The following APEX1 variants were observed in gnomAD, a reference collection of about 807,000 sequenced individuals.
The protein encoded by APEX1 is DNA repair nuclease/redox regulator APEX1.
Under a neutral mutation model 33.2 loss-of-function variants are expected in APEX1, and 32 were observed. That is an observed-to-expected ratio of 0.96 (90% CI 0.73 to 1.29). APEX1 has a LOEUF of 1.29. Among genes scored for constraint, APEX1 ranks in the 50% most tolerant of loss-of-function variants. The pLI is 0.00. For synonymous variants in APEX1, 175 were observed against 156.6 expected (o/e 1.12, Z -0.88); for missense variants, 442 against 395.6 (o/e 1.12, Z -0.99).
At position 20,456,914 on chromosome 14, in the gene APEX1, C is replaced by T. The variant is rs2307489; in HGVS notation, c.439+54C>T. On this transcript the variant is annotated intron_variant, in intron 4 of 4. Coordinates refer to ENST00000216714, the MANE Select transcript of APEX1 (RefSeq NM_001641.4). ...AACTCTTCAAAACCAATTGCTAATT[C>T]TCTATCTCTGCCCCACCTCTTGATT... 6.9e-4 allele frequency: 1,111 copies of T among 1,604,016 alleles called. 6 individuals are homozygous for T. In the African/African-American group the frequency reaches 0.012, roughly 17 times the overall value.
rs777443509 is a variant in APEX1 at position 20,457,058 on chromosome 14, A to G, written c.507A>G (p.Thr169=). ...VAEFDSFVLV[T]AYVPNAGRGL... ...AATTTGACTCGTTTGTGCTGGTAAC[A>G]GCATATGTACCTAATGCAGGCCGAG... is the stretch of plus-strand genomic sequence containing the variant. The change falls in exon 5 of 5, where the codon ACA becomes ACG. Residue 169 remains threonine, a synonymous_variant. Transcript: ENST00000216714. The G allele has an allele frequency of 2.5e-6, 4 of 1,614,236 alleles. No individual in the cohort carries two copies. In the East Asian group the frequency reaches 8.9e-5, roughly 36 times the overall value.
At chr14:20,456,223 G>A in intron 3 of APEX1, 122 bp downstream of exon 3, 3 of 1,130,034 alleles carry the variant, frequency 2.7e-6, no homozygotes, top group Non-Finnish European at 3.9e-6. Flanking sequence ...AGTTTTCTGT[G>A]GGGCTTCCCC....
chr14:20,456,641 G>A (rs769863274), intron 3 of APEX1, 27 bp from the exon 4 acceptor site: 101 of 1,598,706 alleles, frequency 6.3e-5, no homozygotes, highest in South Asian at 4.4e-4. Context: ...TTGATAATAC[G>A]TTTTCCACCT....
Position 20,456,088 on chromosome 14 carries a change from A to C in APEX1, c.233A>C (p.Lys78Thr). 6.2e-7 allele frequency: 1 copy of C among 1,614,208 alleles called. No individual in the cohort carries two copies. Among genetic ancestry groups the C allele is most frequent in the Non-Finnish European group, 8.5e-7 (1 of 1,180,028 alleles). ...GATGGGCTTCGAGCCTGGATTAAGA[A>C]GAAAGGATTAGATGTGAGTGGAATT... ...NVDGLRAWIK[K>T]KGLDWVKEEA... The change falls in exon 3 of 5, where the codon AAG becomes ACG. Residue 78 changes from lysine to threonine, a missense_variant. Physicochemically the swap from Lys to Thr is moderately conservative, Grantham distance 78. Coordinates refer to ENST00000216714, the MANE Select transcript of APEX1 (RefSeq NM_001641.4).
In APEX1 at chr14:20,457,216, AC is replaced by A; in HGVS notation, c.669del (p.Lys224ArgfsTer47). 6.2e-7 allele frequency: 1 copy of A among 1,614,160 alleles called. No individual in the cohort carries two copies. ...GCACATGAAGAAATTGACCTTCGCA[AC>A]CCCAAGGGGAACAAAAAGAATGCTG... ...NVAHEEIDLR[N>X]PKGNKKNAGF... On this transcript the variant is annotated frameshift_variant, in exon 5 of 5. Coordinates refer to ENST00000216714, the MANE Select transcript of APEX1 (RefSeq NM_001641.4). LOFTEE classifies it high-confidence loss of function.
At chr14:20,455,882 C>G (rs1388679002) in intron 2 of APEX1, 32 bp from the exon 3 acceptor site, 1 of 1,613,818 alleles carries the variant, frequency 6.2e-7, no homozygotes, top group South Asian at 1.1e-5. Context: ...AAACCACCAG[C>G]TTTTTGTCAG....
chr14:20,455,614 G>A lies in APEX1; in HGVS notation c.-32G>A. ...AAAATATTGCTTCGGTGGGTGACGC[G>A]GTACAGCTGCCCAAGGGCGTTCGTA... On this transcript the variant is annotated 5_prime_UTR_variant, in exon 2 of 5. Transcript: ENST00000216714. 1 of 1,612,602 alleles carries A rather than the reference G, an allele frequency of 6.2e-7. No homozygotes were observed. The highest frequency in any genetic ancestry group is 8.5e-7 in the Non-Finnish European group (1 of 1,180,028).
Position 20,456,694 on chromosome 14 carries a change from A to G in APEX1, c.273A>G (p.Ile91Met), listed in dbSNP as rs766820374. The G allele has an allele frequency of 6.2e-7, 1 of 1,614,066 alleles. No homozygotes were observed. ...GGGTAAAGGAAGAAGCCCCAGATAT[A>G]CTGTGCCTTCAAGAGACCAAATGTT... Reference protein sequence around the residue: ...LDWVKEEAPDILCLQETKCSE... With the variant: ...LDWVKEEAPDMLCLQETKCSE... The change falls in exon 4 of 5, where the codon ATA becomes ATG. Residue 91 changes from isoleucine to methionine, a missense_variant. By Grantham distance (10) the Ile-to-Met change is conservative (BLOSUM62 1). Coordinates refer to ENST00000216714, the MANE Select transcript of APEX1 (RefSeq NM_001641.4).
At position 20,455,585 on chromosome 14, in the gene APEX1, G is replaced by C; in HGVS notation, c.-61G>C. ...ATTTCTTTGCGTCTGTAGGCAACGC[G>C]GTAAAAATATTGCTTCGGTGGGTGA... On this transcript the variant is annotated 5_prime_UTR_variant, in exon 2 of 5. Transcript: ENST00000216714. The C allele has an allele frequency of 6.2e-7, 1 of 1,612,110 alleles. No individual in the cohort carries two copies. The highest frequency in any genetic ancestry group is 2.2e-5 in the East Asian group (1 of 44,880).
At position 20,457,323 on chromosome 14, in the gene APEX1, C is replaced by T; in HGVS notation, c.772C>T (p.Pro258Ser). 1 of 1,614,222 alleles carries T rather than the reference C, an allele frequency of 6.2e-7. No individual in the cohort carries two copies. The highest frequency in any genetic ancestry group is 8.5e-7 in the Non-Finnish European group (1 of 1,180,040). ...PLADSFRHLYPNTPYAYTFWT... is the reference protein window; with the variant it reads ...PLADSFRHLYSNTPYAYTFWT... The stretch of plus-strand genomic sequence containing the variant: ...GGCTGACAGCTTTAGGCACCTCTAC[C>T]CCAACACACCCTATGCCTACACCTT... Residue 258 changes from proline to serine, a missense_variant, in exon 5 of 5, where the codon CCC becomes TCC. Physicochemically the swap from Pro to Ser is moderately conservative, Grantham distance 74. Coordinates refer to ENST00000216714, the MANE Select transcript of APEX1 (RefSeq NM_001641.4).
intron 3 of APEX1, 52 bp downstream of exon 3, chr14:20,456,153 GGTTTAGTCACCCCTTTTCTCC>G (rs754836388): frequency 1.3e-6 from 2 of 1,592,962 alleles, no homozygotes; most frequent in Non-Finnish European, 1.7e-6. Flanking sequence ...ATGGTCTTAG[GGTTTAGTCACCCCTTTTCTCC>G]GTTTAGCCTT....
chr14:20,457,056 A>C lies in APEX1; in HGVS notation c.505A>C (p.Thr169Pro), dbSNP rs1881423413. The C allele has an allele frequency of 6.2e-7, 1 of 1,614,194 alleles. No homozygotes were observed. The change falls in exon 5 of 5, where the codon ACA (threonine) becomes CCA (proline). Residue 169 changes from threonine to proline, a missense_variant. Physicochemically the swap from Thr to Pro is conservative, Grantham distance 38. Transcript: ENST00000216714. ...VAEFDSFVLV[T>P]AYVPNAGRGL... is the part of the protein sequence containing the mutation. The stretch of plus-strand genomic sequence containing the variant: ...TGAATTTGACTCGTTTGTGCTGGTA[A>C]CAGCATATGTACCTAATGCAGGCCG...
At chr14:20,455,547 A>C (rs1478817638) in intron 1 of APEX1, 31 bp from the exon 2 acceptor site, 1 of 1,597,434 alleles carries the variant, frequency 6.3e-7, no homozygotes, top group Non-Finnish European at 8.6e-7. Context: ...CCCCAGCCTT[A>C]GCTGGTTTCA....
intron 3 of APEX1, 146 bp downstream of exon 3, chr14:20,456,247 G>GT (rs1183178035): frequency 1.3e-4 from 122 of 917,390 alleles, no homozygotes; most frequent in Non-Finnish European, 2.0e-4. Context: ...CTTGCCAGTT[G>GT]TATTTCCTAA....
chr14:20,456,771 A>G lies in APEX1; in HGVS notation c.350A>G (p.Gln117Arg), dbSNP rs1881388188. ...CAGGAGCTGCCTGGACTCTCTCATC[A>G]ATACTGGTCAGCTCCTTCGGACAAG... Reference protein sequence around the residue: ...ELQELPGLSHQYWSAPSDKEG... With the variant: ...ELQELPGLSHRYWSAPSDKEG... Residue 117 changes from glutamine to arginine, a missense_variant, in exon 4 of 5, where the codon CAA (glutamine) becomes CGA (arginine). Gln to Arg is a conservative substitution (Grantham distance 43). Transcript: ENST00000216714. The G allele has an allele frequency of 1.2e-6, 2 of 1,614,230 alleles. No individual in the cohort carries two copies. Among genetic ancestry groups the G allele is most frequent in the Non-Finnish European group, 1.7e-6 (2 of 1,180,038 alleles).
At position 20,456,766 on chromosome 14, in the gene APEX1, T is replaced by A; in HGVS notation, c.345T>A (p.Ser115=). The A allele has an allele frequency of 6.2e-7, 1 of 1,614,246 alleles. No individual in the cohort carries two copies. Among genetic ancestry groups the A allele is most frequent in the Non-Finnish European group, 8.5e-7 (1 of 1,180,044 alleles). The change falls in exon 4 of 5, where the codon TCT becomes TCA. Residue 115 remains serine, a synonymous_variant. Transcript: ENST00000216714. ...AACTTCAGGAGCTGCCTGGACTCTC[T>A]CATCAATACTGGTCAGCTCCTTCGG... The part of the protein sequence containing the change: ...PAELQELPGL[S]HQYWSAPSDK...
At position 20,455,931 on chromosome 14, in the gene APEX1, A is replaced by G. The variant is rs1881309057; in HGVS notation, c.76A>G (p.Ser26Gly). The G allele has an allele frequency of 1.2e-6, 2 of 1,614,068 alleles. No homozygotes were observed. Among genetic ancestry groups the G allele is most frequent in the Admixed American group, 3.3e-5 (2 of 60,012 alleles). The change falls in exon 3 of 5, where the codon AGT becomes GGT. Residue 26 changes from serine (S) to glycine (G), a missense_variant. By Grantham distance (56) the Ser-to-Gly change is moderately conservative. Transcript: ENST00000216714. ...TTTTATAGAGCCAGAGGCCAAGAAGAGTAAGACGGCCGCAAAGAAAAATGA... is the reference window on the plus strand; with the variant it reads ...TTTTATAGAGCCAGAGGCCAAGAAGGGTAAGACGGCCGCAAAGAAAAATGA... ...ELRTEPEAKKSKTAAKKNDKE... is the reference protein window; with the variant it reads ...ELRTEPEAKKGKTAAKKNDKE...
chr14:20,457,069 C>A lies in APEX1; in HGVS notation c.518C>A (p.Pro173His). ...DSFVLVTAYVPNAGRGLVRLE... is the reference protein window; with the variant it reads ...DSFVLVTAYVHNAGRGLVRLE... ...TTTGTGCTGGTAACAGCATATGTAC[C>A]TAATGCAGGCCGAGGTCTGGTACGA... The change falls in exon 5 of 5, where the codon CCT (proline) becomes CAT (histidine). Residue 173 changes from proline (P) to histidine (H), a missense_variant. Physicochemically the swap from Pro to His is moderately conservative, Grantham distance 77. Transcript: ENST00000216714. 1 of 1,614,186 alleles carries A rather than the reference C, an allele frequency of 6.2e-7. No homozygotes were observed. The highest frequency in any genetic ancestry group is 8.5e-7 in the Non-Finnish European group (1 of 1,180,028).
At chr14:20,455,549 C>T (rs1881280142) in intron 1 of APEX1, 29 bp from the exon 2 acceptor site, 2 of 1,601,954 alleles carry the variant, frequency 1.2e-6, no homozygotes, top group Non-Finnish European at 1.7e-6. Flanking sequence ...CCAGCCTTAG[C>T]TGGTTTCATG....
Sources: allele counts gnomAD v4.1 joint callset, GRCh38; gene constraint gnomAD v4.1.1; transcripts MANE v1.5; gene names NCBI Gene and HGNC (gene_info 2026-07-23, HGNC 2026-07-21).